YAP1: variants seen among roughly 807,000 people sequenced by gnomAD.
The protein encoded by YAP1 is Yes1 associated transcriptional regulator.
Under a neutral mutation model 56.9 loss-of-function variants are expected in YAP1, and 5 were observed. The observed-to-expected ratio is 0.09, with a 90% CI of 0.05 to 0.18. The LOEUF is 0.18. Ranked by LOEUF, YAP1 falls within the 10% of genes least tolerant of loss-of-function variation. The probability of loss-of-function intolerance (pLI) is 1.00; values close to 1 mark genes in which losing one functional copy is unlikely to be tolerated. For missense variants in YAP1, 539 were observed against 651.8 expected, an observed-to-expected ratio of 0.83 and a Z score of 1.88; for synonymous variants, 265 against 248.1, an observed-to-expected ratio of 1.07 and a Z score of -0.64.
intron 2 of YAP1, among the ~76,000 whole-genome samples, chr11:102,155,755 T>C (rs902326541): frequency 2.0e-5 from 3 of 152,236 alleles, no homozygotes; most frequent in East Asian, 1.9e-4. Flanking sequence ...AGCCCTGTTA[T>C]GTTGTTAACA....
chr11:102,121,299 G>T (rs967273601), intron 2 of YAP1, among the ~76,000 whole-genome samples: 6 of 151,994 alleles, frequency 3.9e-5, no homozygotes, highest in Admixed American at 2.6e-4. Flanking sequence ...AATTAGCCGA[G>T]CATGGTGGCA....
chr11:102,219,541 T>A (rs930353184), intron 6 of YAP1, among the ~76,000 whole-genome samples: 3 of 152,136 alleles, frequency 2.0e-5, no homozygotes, highest in Admixed American at 6.5e-5. Flanking sequence ...GAGTGTAGTA[T>A]CACTGTTTTA....
chr11:102,156,838 C>T (rs1057026302), intron 2 of YAP1, among the ~76,000 whole-genome samples: 1 of 152,226 alleles, frequency 6.6e-6, no homozygotes, highest in African/African-American at 2.4e-5. Context: ...GGTCCATCCT[C>T]ACCCTTTCCT....
intron 4 of YAP1, among the ~76,000 whole-genome samples, chr11:102,196,003 C>G (rs765152204): frequency 6.6e-6 from 1 of 152,014 alleles, no homozygotes; most frequent in Non-Finnish European, 1.5e-5. Flanking sequence ...CACTTAACTC[C>G]CATTAGGATG....
chr11:102,203,765 G>T (rs1249980684), intron 4 of YAP1, among the ~76,000 whole-genome samples: 1 of 152,092 alleles, frequency 6.6e-6, no homozygotes, highest in Non-Finnish European at 1.5e-5. Context: ...GAAATTACAC[G>T]TTTTTTGGAA....
intron 4 of YAP1, chr11:102,186,361 A>AT: frequency 2.4e-6 from 1 of 420,558 alleles, no homozygotes; most frequent in Non-Finnish European, 4.3e-6. Context: ...GGGGAATGTC[A>AT]TAATGGCCGA....
At chr11:102,195,841 A>T (rs1413619239) in intron 4 of YAP1, among the ~76,000 whole-genome samples, 1 of 152,166 alleles carries the variant, frequency 6.6e-6, no homozygotes, top group Non-Finnish European at 1.5e-5. Flanking sequence ...TAATACAGTA[A>T]ATTGGTACCA....
chr11:102,185,201 TTAG>T (rs1225183647), intron 3 of YAP1, among the ~76,000 whole-genome samples: 1 of 152,130 alleles, frequency 6.6e-6, no homozygotes, highest in Non-Finnish European at 1.5e-5. Context: ...TTTGAATACT[TTAG>T]TTATTTATTC....
chr11:102,177,963 T>A (rs1947362381), intron 3 of YAP1, among the ~76,000 whole-genome samples: 1 of 152,196 alleles, frequency 6.6e-6, no homozygotes, highest in South Asian at 2.1e-4. Flanking sequence ...GCATGATTTC[T>A]GGAGAGCTCA....
intron 6 of YAP1, among the ~76,000 whole-genome samples, chr11:102,213,194 T>C (rs1022970823): frequency 6.6e-6 from 1 of 152,102 alleles, no homozygotes; most frequent in Non-Finnish European, 1.5e-5. Flanking sequence ...CTTAAGAATA[T>C]GGTTCTTGGA....
At chr11:102,185,948 A>C in intron 3 of YAP1, 70 bp from the exon 4 acceptor site, 9 of 1,376,482 alleles carry the variant, frequency 6.5e-6, no homozygotes, top group Non-Finnish European at 8.8e-6. Context: ...TTAAATTAGT[A>C]CCCCCTCCCA....
intron 3 of YAP1, among the ~76,000 whole-genome samples, chr11:102,164,328 TG>T (rs1407882880): frequency 6.6e-6 from 1 of 152,136 alleles, no homozygotes; most frequent in Non-Finnish European, 1.5e-5. Context: ...CCACCATGCC[TG>T]GCCCCTAATT....
intron 6 of YAP1, among the ~76,000 whole-genome samples, chr11:102,216,739 T>TAA (rs1056123968): frequency 6.6e-6 from 1 of 152,212 alleles, no homozygotes; most frequent in Non-Finnish European, 1.5e-5. Flanking sequence ...AATACTGGAC[T>TAA]AAAAATACAA....
intron 5 of YAP1, among the ~76,000 whole-genome samples, chr11:102,207,597 G>T (rs149407469): frequency 3.6e-4 from 54 of 151,164 alleles, no homozygotes; most frequent in African/African-American, 1.1e-3. Flanking sequence ...TTTGTTTTTT[G>T]GGTTTTTTTT....
chr11:102,176,330 A>G (rs1230710872), intron 3 of YAP1, among the ~76,000 whole-genome samples: 1 of 152,226 alleles, frequency 6.6e-6, no homozygotes, highest in East Asian at 1.9e-4. Flanking sequence ...AGAGTGATGA[A>G]CACAAAACAA....
chr11:102,112,271 G>A (rs941481107), intron 1 of YAP1, among the ~76,000 whole-genome samples: 1 of 152,116 alleles, frequency 6.6e-6, no homozygotes, highest in Non-Finnish European at 1.5e-5. Flanking sequence ...TATGAACATG[G>A]CTGCTATTCC....
intron 2 of YAP1, among the ~76,000 whole-genome samples, chr11:102,116,869 A>G (rs1234031342): frequency 6.6e-6 from 1 of 152,200 alleles, no homozygotes; most frequent in Non-Finnish European, 1.5e-5. Context: ...AATGTAGGTA[A>G]AATCATGGTT....
chr11:102,128,984 C>G (rs974291488), intron 2 of YAP1, among the ~76,000 whole-genome samples: 6 of 152,084 alleles, frequency 3.9e-5, no homozygotes, highest in African/African-American at 1.4e-4. Context: ...ATCCCCAAAC[C>G]CTGTGTCCCC....
At chr11:102,200,528 T>C in intron 4 of YAP1, among the ~76,000 whole-genome samples, 1 of 149,704 alleles carries the variant, frequency 6.7e-6, no homozygotes, top group South Asian at 2.1e-4. Flanking sequence ...TGCTGCAACC[T>C]CTGCCCCCCG....
Sources: gnomAD v4.1 joint callset for allele counts (sites outside exome capture counted in the v4.1 genomes callset) on GRCh38, gnomAD v4.1.1 for gene constraint, MANE v1.5 for transcripts, NCBI Gene and HGNC (gene_info 2026-07-23, HGNC 2026-07-21) for gene names.